DGKB: variants seen among roughly 807,000 people sequenced by gnomAD.
DGKB encodes 90 kDa diacylglycerol kinase.
In DGKB, 67 loss-of-function variants were observed where a neutral mutation model predicts 114.3. The observed-to-expected ratio is 0.59, with a 90% CI of 0.48 to 0.72. The LOEUF (loss-of-function observed/expected upper bound fraction) is 0.72. Among genes scored for constraint, DGKB ranks in the 30% least tolerant of loss-of-function variants. The probability of loss-of-function intolerance (pLI) is 0.00; values close to 1 mark genes in which losing one functional copy is unlikely to be tolerated. For missense variants in DGKB, 907 were observed against 975.2 expected, an observed-to-expected ratio of 0.93 and a Z score of 0.93; for synonymous variants, 398 against 323.1, an observed-to-expected ratio of 1.23 and a Z score of -2.49.
chr7:14,690,064 C>T (rs1822551303), intron 9 of DGKB, among the ~76,000 whole-genome samples: 1 of 152,154 alleles, frequency 6.6e-6, no homozygotes, highest in Non-Finnish European at 1.5e-5. Flanking sequence ...GTTAAGGTAT[C>T]GCTATTTCAA....
chr7:14,253,043 T>C (rs1164940392), intron 23 of DGKB, among the ~76,000 whole-genome samples: 1 of 152,100 alleles, frequency 6.6e-6, no homozygotes, highest in Non-Finnish European at 1.5e-5. Flanking sequence ...AATTCATTTT[T>C]TTTTTTTTAG....
intron 2 of DGKB, among the ~76,000 whole-genome samples, chr7:14,808,715 T>C (rs933471062): frequency 6.6e-6 from 1 of 152,094 alleles, no homozygotes; most frequent in African/African-American, 2.4e-5. Context: ...TTGCTTTTAA[T>C]TCATAGGTGT....
chr7:14,882,204 G>T (rs894294394), intron 1 of DGKB, among the ~76,000 whole-genome samples: 2 of 151,898 alleles, frequency 1.3e-5, no homozygotes, highest in African/African-American at 2.4e-5. Context: ...GTCTGAAAGA[G>T]AAATCGAGGA....
At position 14,627,256 on chromosome 7, in the gene DGKB, T is replaced by C. The variant is rs555418185; in HGVS notation, c.1167+2980A>G. On this transcript the variant is annotated intron_variant, in intron 14 of 25. Transcript: ENST00000402815. ...ATAATTGCTGTGGTGATTTGGGTGG[T>C]GTCTTTTTGGGAGACGGGGGACAAC... Among the ~76,000 whole-genome samples the C allele has an allele frequency of 2.6e-5, 4 of 152,272 alleles. No individual in the cohort carries two copies. The South Asian group carries it at 8.3e-4, about 32-fold the overall frequency.
At chr7:14,561,207 G>A (rs1196266104) in intron 20 of DGKB, among the ~76,000 whole-genome samples, 1 of 152,166 alleles carries the variant, frequency 6.6e-6, no homozygotes, top group Non-Finnish European at 1.5e-5. Flanking sequence ...GTTGTATAAT[G>A]GAGAGTTCCC....
At chr7:14,620,252 T>C (rs1286004207) in intron 15 of DGKB, among the ~76,000 whole-genome samples, 4 of 151,250 alleles carry the variant, frequency 2.6e-5, no homozygotes, top group Admixed American at 6.6e-5. Context: ...TTCCCTCCTT[T>C]TATATTTGAG....
chr7:14,875,112 A>C (rs571703372), intron 1 of DGKB, among the ~76,000 whole-genome samples: 1 of 152,204 alleles, frequency 6.6e-6, no homozygotes, highest in South Asian at 2.1e-4. Context: ...ATTCCCCTGA[A>C]AGCCATAGGG....
intron 1 of DGKB, among the ~76,000 whole-genome samples, chr7:14,888,201 G>T (rs1780614893): frequency 6.6e-6 from 1 of 151,668 alleles, no homozygotes; most frequent in South Asian, 2.1e-4. Flanking sequence ...ATTTAAGTAT[G>T]ATGCATACTG....
At position 14,526,123 on chromosome 7, in the gene DGKB, T is replaced by A. The variant is rs376899806; in HGVS notation, c.1771-47898A>T. Among the ~76,000 whole-genome samples, 13 of 152,212 alleles carry A rather than the reference T, an allele frequency of 8.5e-5. No homozygotes were observed. The East Asian group carries it at 2.5e-3, about 29-fold the overall frequency. On this transcript the variant is annotated intron_variant, in intron 20 of 25. Transcript: ENST00000402815. ...GTTTAAATAATTTCAAGGAAAAAAA[T>A]GAACATTCTACTGGAATTCCATGTG...
intron 23 of DGKB, among the ~76,000 whole-genome samples, chr7:14,318,903 A>G (rs1038447998): frequency 7.2e-5 from 11 of 152,168 alleles, no homozygotes. Flanking sequence ...TCCCACAATG[A>G]TAGACTGGAT....
chr7:14,496,653 A>G (rs1005017840), intron 20 of DGKB, among the ~76,000 whole-genome samples: 1 of 151,824 alleles, frequency 6.6e-6, no homozygotes, highest in African/African-American at 2.4e-5. Flanking sequence ...TCTTCCCTTA[A>G]CTACTCATTT....
At chr7:14,335,776 A>C (rs1235607784) in intron 23 of DGKB, among the ~76,000 whole-genome samples, 1 of 152,110 alleles carries the variant, frequency 6.6e-6, no homozygotes, top group East Asian at 1.9e-4. Context: ...TTTAAGAGAC[A>C]GAGTCCTTGC....
chr7:14,147,664 C>T lies in DGKB; in HGVS notation c.*1467G>A, dbSNP rs1252268769. 6.6e-6 allele frequency: 1 copy of T among 152,506 alleles called. No homozygotes were observed. The highest frequency in any genetic ancestry group is 2.4e-5 in the African/African-American group (1 of 41,440). 9.4% of individuals were successfully genotyped at this position (152,506 alleles called of 1,614,324 possible). On this transcript the variant is annotated 3_prime_UTR_variant, in exon 26 of 26. Transcript: ENST00000402815. ...GCAGAGTGGAGAGAAACTAATAAATCATGCAGTTCAGGCACTCGTTTTCCT... is the reference window on the plus strand; with the variant it reads ...GCAGAGTGGAGAGAAACTAATAAATTATGCAGTTCAGGCACTCGTTTTCCT...
intron 21 of DGKB, among the ~76,000 whole-genome samples, chr7:14,469,019 T>G (rs1275177023): frequency 6.6e-6 from 1 of 152,026 alleles, no homozygotes; most frequent in Non-Finnish European, 1.5e-5. Context: ...AAACTAGAAA[T>G]AAATATTTCT....
intron 2 of DGKB, among the ~76,000 whole-genome samples, chr7:14,794,827 T>C (rs757241581): frequency 6.6e-6 from 1 of 152,146 alleles, no homozygotes; most frequent in Non-Finnish European, 1.5e-5. Flanking sequence ...CTGATGAGTC[T>C]TCATTACCAG....
intron 23 of DGKB, among the ~76,000 whole-genome samples, chr7:14,205,538 G>A (rs917991637): frequency 6.6e-6 from 1 of 151,898 alleles, no homozygotes; most frequent in African/African-American, 2.4e-5. Context: ...TTCAACATTT[G>A]TTAAAGGTTT....
intron 13 of DGKB, among the ~76,000 whole-genome samples, chr7:14,634,342 C>A (rs529020692): frequency 6.6e-6 from 1 of 151,296 alleles, no homozygotes; most frequent in African/African-American, 2.4e-5. Flanking sequence ...ATTCAAATAA[C>A]AGTAGTTGCA....
At chr7:14,317,461 A>T (rs979215657) in intron 23 of DGKB, among the ~76,000 whole-genome samples, 2 of 151,168 alleles carry the variant, frequency 1.3e-5, no homozygotes, top group Admixed American at 1.3e-4. Flanking sequence ...ATCAATGTGC[A>T]AAAATCACAA....
chr7:14,267,305 T>C (rs1406636525), intron 23 of DGKB, among the ~76,000 whole-genome samples: 1 of 151,968 alleles, frequency 6.6e-6, no homozygotes, highest in Non-Finnish European at 1.5e-5. Flanking sequence ...ACAAAAATCA[T>C]GTGAAGAGGC....
Sources: gnomAD v4.1 joint callset for allele counts (sites outside exome capture counted in the v4.1 genomes callset) on GRCh38, gnomAD v4.1.1 for gene constraint, MANE v1.5 for transcripts, NCBI Gene and HGNC (gene_info 2026-07-23, HGNC 2026-07-21) for gene names.